The following TRAPPC9 variants were observed in gnomAD, a reference collection of about 807,000 sequenced individuals.
The protein encoded by TRAPPC9 is IKK2 binding protein.
In TRAPPC9, 83 loss-of-function variants were observed where a neutral mutation model predicts 124.0. The observed-to-expected ratio is 0.67, with a 90% CI of 0.56 to 0.80. The LOEUF (loss-of-function observed/expected upper bound fraction) is 0.80, where lower values mean the gene tolerates loss of function less well. TRAPPC9 is among the 30% of genes least tolerant of loss of function. TRAPPC9 has a pLI of 0.00. For synonymous variants in TRAPPC9, 638 were observed against 617.5 expected (o/e 1.03, Z -0.49); for missense variants, 1,302 against 1,508.3 (o/e 0.86, Z 2.27).
At chr8:140,045,407 C>T (rs1414080760) in intron 17 of TRAPPC9, among the ~76,000 whole-genome samples, 2 of 152,006 alleles carry the variant, frequency 1.3e-5, no homozygotes, top group Admixed American at 6.6e-5. Context: ...GGGTGGATCA[C>T]CTGAGGTCAG....
At chr8:140,397,114 A>T (rs1406420121) in intron 7 of TRAPPC9, among the ~76,000 whole-genome samples, 1 of 152,248 alleles carries the variant, frequency 6.6e-6, no homozygotes, top group East Asian at 1.9e-4. Context: ...TAAGACTATC[A>T]ATTTTAGGAT....
chr8:140,018,178 T>C (rs1839593376), intron 18 of TRAPPC9, among the ~76,000 whole-genome samples: 1 of 152,042 alleles, frequency 6.6e-6, no homozygotes, highest in Non-Finnish European at 1.5e-5. Flanking sequence ...TTCATTTCTC[T>C]TTATCATGTT....
intron 11 of TRAPPC9, among the ~76,000 whole-genome samples, chr8:140,299,019 G>A (rs2065890372): frequency 1.3e-5 from 2 of 152,198 alleles, no homozygotes; most frequent in East Asian, 1.9e-4. Flanking sequence ...AGACAGCACC[G>A]CTAGAGATGG....
At chr8:139,802,287 C>T (rs1458753439) in intron 21 of TRAPPC9, among the ~76,000 whole-genome samples, 1 of 152,194 alleles carries the variant, frequency 6.6e-6, no homozygotes, top group East Asian at 1.9e-4. Flanking sequence ...TGGGTTCCTG[C>T]TCTCACACCT....
chr8:139,973,129 G>C (rs1308816462), intron 19 of TRAPPC9, among the ~76,000 whole-genome samples: 1 of 152,260 alleles, frequency 6.6e-6, no homozygotes, highest in African/African-American at 2.4e-5. Context: ...GTACGTCCCA[G>C]TTATTGTGGC....
rs372938618 is a variant in TRAPPC9, at chr8:140,433,498, G to A, written c.859+1614C>T. ...CCAGCTACTCGGGAGGCTGAGGCAG[G>A]AGAACCACTAAAACCCAAGAAGTAG... On this transcript the variant is annotated intron_variant, in intron 4 of 22. Coordinates refer to ENST00000438773, the MANE Select transcript of TRAPPC9 (RefSeq NM_001160372.4). Among the ~76,000 whole-genome samples, 9 of 151,964 alleles carry A rather than the reference G, an allele frequency of 5.9e-5. No individual in the cohort carries two copies. In the East Asian group the frequency reaches 7.7e-4, roughly 13 times the overall value.
chr8:140,300,704 CA>C (rs2065951882), intron 10 of TRAPPC9, 90 bp from the exon 11 acceptor site: 15 of 1,506,032 alleles, frequency 1.0e-5, no homozygotes, highest in Non-Finnish European at 1.4e-5. Flanking sequence ...ATCAGAAAAA[CA>C]GTAAATCAGT....
rs572818350 is a variant in TRAPPC9 at position 139,937,772 on chromosome 8, C to T, written c.2811-27472G>A. Among the ~76,000 whole-genome samples, 3 of 152,344 alleles carry T rather than the reference C, an allele frequency of 2.0e-5. No individual in the cohort carries two copies. The South Asian group carries it at 6.2e-4, about 32-fold the overall frequency. Reference sequence around the variant, plus strand: ...ACGCAAATGTCACGTATTATTACCGCTGCCGCCACGGTTTCTAATCGCGTT... The same window carrying T: ...ACGCAAATGTCACGTATTATTACCGTTGCCGCCACGGTTTCTAATCGCGTT... On this transcript the variant is annotated intron_variant, in intron 19 of 22. Transcript: ENST00000438773.
chr8:140,389,829 T>G (rs1588267466), intron 7 of TRAPPC9, among the ~76,000 whole-genome samples: 1 of 126,474 alleles, frequency 7.9e-6, no homozygotes, highest in African/African-American at 3.2e-5. Context: ...ACATACAATT[T>G]AACAACAATA....
intron 19 of TRAPPC9, among the ~76,000 whole-genome samples, chr8:139,964,496 G>C (rs1291813047): frequency 6.6e-6 from 1 of 152,136 alleles, no homozygotes; most frequent in Non-Finnish European, 1.5e-5. Context: ...TCTACTCGAG[G>C]CTCTTCTACC....
intron 17 of TRAPPC9, among the ~76,000 whole-genome samples, chr8:140,203,166 A>T (rs945764906): frequency 1.3e-5 from 2 of 152,230 alleles, no homozygotes; most frequent in African/African-American, 4.8e-5. Context: ...AAAATTACTG[A>T]AACAGAAAAT....
intron 9 of TRAPPC9, among the ~76,000 whole-genome samples, chr8:140,346,790 AGAG>A (rs1419276926): frequency 6.6e-6 from 1 of 152,260 alleles, no homozygotes; most frequent in African/African-American, 2.4e-5. Context: ...TATGCTAGAG[AGAG>A]ATGCAAAGAA....
rs1460187617 is a variant in TRAPPC9, at chr8:140,257,429, A to G, written c.2279-4500T>C. ...TCCTCCAATGGCACTCGGAGGTGCC[A>G]TCCTGACGACACTACTTTAGACCCA... On this transcript the variant is annotated intron_variant, in intron 15 of 22. Transcript: ENST00000438773. This position sits in a 1 kb window ranked among gnomAD's most constrained non-coding sequence, Gnocchi z 4.6. Among the ~76,000 whole-genome samples, 1 of 152,166 alleles carries G rather than the reference A, an allele frequency of 6.6e-6. No homozygotes were observed.
At chr8:139,901,150 A>G (rs1830995914) in intron 20 of TRAPPC9, among the ~76,000 whole-genome samples, 1 of 152,196 alleles carries the variant, frequency 6.6e-6, no homozygotes, top group Non-Finnish European at 1.5e-5. Context: ...GTTGAGCATC[A>G]TGAAGTGGGT....
intron 9 of TRAPPC9, among the ~76,000 whole-genome samples, chr8:140,359,770 G>A (rs1398745010): frequency 1.3e-5 from 2 of 152,186 alleles, no homozygotes; most frequent in South Asian, 2.1e-4. Flanking sequence ...ACAGGAGGCT[G>A]AAAAGAAGCC....
chr8:139,987,633 T>C (rs949097261), intron 19 of TRAPPC9, among the ~76,000 whole-genome samples: 1 of 152,238 alleles, frequency 6.6e-6, no homozygotes, highest in Non-Finnish European at 1.5e-5. Flanking sequence ...TGATTTTCTG[T>C]ATGTTTGAAG....
rs147193143 is a variant in TRAPPC9, at chr8:139,867,853, T to C, written c.3055+18026A>G. On this transcript the variant is annotated intron_variant, in intron 21 of 22. Coordinates refer to ENST00000438773, the MANE Select transcript of TRAPPC9 (RefSeq NM_001160372.4). ...TATAACAGCTCAACGCAGCAAATGA[T>C]TCTGCATGAGACCCAAATCTTAAAT... Among the ~76,000 whole-genome samples the C allele has an allele frequency of 4.6e-5, 7 of 152,304 alleles. No individual in the cohort carries two copies. In the East Asian group the frequency reaches 1.4e-3, roughly 29 times the overall value.
chr8:139,981,867 C>T (rs1013733408), intron 19 of TRAPPC9, among the ~76,000 whole-genome samples: 2 of 152,190 alleles, frequency 1.3e-5, no homozygotes, highest in African/African-American at 2.4e-5. Flanking sequence ...CAGAGCTGGC[C>T]GCTCAGATCC....
At chr8:140,361,802 T>C (rs2067961664) in intron 8 of TRAPPC9, among the ~76,000 whole-genome samples, 2 of 152,158 alleles carry the variant, frequency 1.3e-5, no homozygotes, top group African/African-American at 4.8e-5. Context: ...TTACTTACTA[T>C]TGCATCCCCA....
Sources: allele counts gnomAD v4.1 joint callset (sites outside exome capture counted in the v4.1 genomes callset), GRCh38; gene constraint gnomAD v4.1.1; non-coding constraint Gnocchi (gnomAD v3.1); transcripts MANE v1.5; gene names NCBI Gene and HGNC (gene_info 2026-07-23, HGNC 2026-07-21).